Variants in SLCO1A2 observed in about 807,000 individuals in gnomAD.
The protein encoded by SLCO1A2 is solute carrier organic anion transporter family member 1A2.
SLCO1A2 carries 67 observed loss-of-function variants against 69.0 expected under a neutral mutation model. That is an observed-to-expected ratio of 0.97 (90% CI 0.80 to 1.19). The LOEUF is 1.19. Among genes scored for constraint, SLCO1A2 ranks in the 50% most tolerant of loss-of-function variants. SLCO1A2 has a pLI of 0.00. For missense variants in SLCO1A2, 787 were observed against 793.7 expected (o/e 0.99, Z 0.10); for synonymous variants, 260 against 265.9 (o/e 0.98, Z 0.22).
chr12:21,355,051 C>T (rs944167113), intron 2 of SLCO1A2: 4 of 152,098 alleles, frequency 2.6e-5, no homozygotes, highest in African/African-American at 9.7e-5. Context: ...TTCAAAAATA[C>T]ACTAAATCAC....
chr12:21,303,956 A>G (rs1949038500), intron 6 of SLCO1A2, among the ~76,000 whole-genome samples: 1 of 152,196 alleles, frequency 6.6e-6, no homozygotes. Flanking sequence ...GATTAAAACA[A>G]TGCTTGAGAA....
chr12:21,383,337 T>A (rs926434206), intron 1 of SLCO1A2, among the ~76,000 whole-genome samples: 1 of 152,200 alleles, frequency 6.6e-6, no homozygotes, highest in African/African-American at 2.4e-5. Flanking sequence ...CTTTGCCGAC[T>A]AAGTAGACCC....
At chr12:21,382,624 C>A (rs1046916111) in intron 1 of SLCO1A2, among the ~76,000 whole-genome samples, 1 of 151,650 alleles carries the variant, frequency 6.6e-6, no homozygotes, top group East Asian at 1.9e-4. Context: ...GGTGAAACCC[C>A]GTCTCTACAA....
chr12:21,310,184 T>C (rs1276225324), intron 4 of SLCO1A2, among the ~76,000 whole-genome samples: 1 of 152,218 alleles, frequency 6.6e-6, no homozygotes, highest in Non-Finnish European at 1.5e-5. Context: ...TGTATAGACA[T>C]ATCTCAGAGA....
intron 3 of SLCO1A2, among the ~76,000 whole-genome samples, chr12:21,315,401 TGAA>T (rs1234720480): frequency 6.6e-6 from 1 of 152,208 alleles, no homozygotes; most frequent in African/African-American, 2.4e-5. Flanking sequence ...GACAGATCCT[TGAA>T]GAGTGTGGAA....
At chr12:21,416,405 G>A (rs557802599) in intron 1 of SLCO1A2, among the ~76,000 whole-genome samples, 3 of 150,352 alleles carry the variant, frequency 2.0e-5, no homozygotes, top group East Asian at 3.9e-4. Context: ...TAAATCACTC[G>A]CTCTCCCAAA....
intron 13 of SLCO1A2, 183 bp from the exon 14 acceptor site, chr12:21,274,769 TAAGTA>T (rs1943496996): frequency 2.9e-6 from 2 of 683,444 alleles, no homozygotes; most frequent in Admixed American, 3.2e-5. Flanking sequence ...TATTAAAAGA[TAAGTA>T]ATCTTATGGT....
At chr12:21,377,455 T>C (rs1440182390) in intron 1 of SLCO1A2, among the ~76,000 whole-genome samples, 2 of 152,182 alleles carry the variant, frequency 1.3e-5, no homozygotes, top group African/African-American at 4.8e-5. Context: ...TTTTTAAGCA[T>C]GCAATACATT....
intron 14 of SLCO1A2, 145 bp downstream of exon 14, chr12:21,274,324 A>G (rs1232582778): frequency 7.6e-6 from 4 of 524,908 alleles, no homozygotes; most frequent in Non-Finnish European, 1.4e-5. Flanking sequence ...CAAATAAGGA[A>G]TGGAGATATA....
chr12:21,316,405 G>A (rs985957735), intron 3 of SLCO1A2, among the ~76,000 whole-genome samples: 17 of 151,712 alleles, frequency 1.1e-4, no homozygotes, highest in Non-Finnish European at 1.9e-4. Flanking sequence ...ATCCCCTATC[G>A]TCGCTCCTAC....
At chr12:21,395,438 A>G (rs12816792), upstream of SLCO1A2, 89,640 of 153,966 alleles carry the variant, frequency 0.58, 26,357 homozygotes, top group Middle Eastern at 0.71. Flanking sequence ...CAGCAGCGAG[A>G]CTGGGGGAGG....
intron 8 of SLCO1A2, among the ~76,000 whole-genome samples, chr12:21,299,805 T>A (rs1948377471): frequency 8.2e-6 from 1 of 121,854 alleles, no homozygotes; most frequent in East Asian, 4.6e-4. Flanking sequence ...CACACGTATA[T>A]ATATACACAC....
chr12:21,362,754 C>A (rs906234055), intron 2 of SLCO1A2, among the ~76,000 whole-genome samples: 1 of 152,142 alleles, frequency 6.6e-6, no homozygotes, highest in Non-Finnish European at 1.5e-5. Context: ...CAATCCTAGT[C>A]TCTGATAAAA....
At chr12:21,373,907 T>G (rs1032996172) in intron 2 of SLCO1A2, among the ~76,000 whole-genome samples, 5 of 152,176 alleles carry the variant, frequency 3.3e-5, no homozygotes, top group Non-Finnish European at 5.9e-5. Flanking sequence ...TGGAAATGTA[T>G]AGAAATAATC....
At chr12:21,338,369 C>T (rs1952957382), upstream of SLCO1A2, among the ~76,000 whole-genome samples, 1 of 151,784 alleles carries the variant, frequency 6.6e-6, no homozygotes, top group Non-Finnish European at 1.5e-5. Flanking sequence ...TTCTACATCC[C>T]CCGGAACCCC....
chr12:21,397,607 G>A (rs2137179317), upstream of SLCO1A2, among the ~76,000 whole-genome samples: 1 of 152,036 alleles, frequency 6.6e-6, no homozygotes, highest in African/African-American at 2.4e-5. Context: ...TTCCTAAATT[G>A]ACCACATACT....
rs1003302785 is a variant in SLCO1A2, at chr12:21,393,294, T to C, written c.-190+1612A>G. On this transcript the variant is annotated intron_variant, in intron 1 of 15. Transcript: ENST00000307378. ...GGTTCACACTGCACAGTGATTTTCA[T>C]TGCATCCCCAAAAGCAATCTAGGTA... Among the ~76,000 whole-genome samples the C allele has an allele frequency of 7.9e-5, 12 of 152,274 alleles. No homozygotes were observed. The East Asian group carries it at 1.9e-3, about 24-fold the overall frequency.
At chr12:21,370,186 T>C (rs949547244) in intron 2 of SLCO1A2, among the ~76,000 whole-genome samples, 3 of 152,180 alleles carry the variant, frequency 2.0e-5, no homozygotes, top group Non-Finnish European at 4.4e-5. Flanking sequence ...TCACTTATAT[T>C]CTTTGAATCT....
At chr12:21,347,700 GAA>G (rs1267753889) in intron 2 of SLCO1A2, among the ~76,000 whole-genome samples, 2 of 30,706 alleles carry the variant, frequency 6.5e-5, no homozygotes, top group South Asian at 9.0e-4. Flanking sequence ...AAGGAAGGAA[GAA>G]GGAAAAAAGG....
Sources: gnomAD v4.1 joint callset for allele counts (sites outside exome capture counted in the v4.1 genomes callset) on GRCh38, gnomAD v4.1.1 for gene constraint, MANE v1.5 for transcripts, NCBI Gene and HGNC (gene_info 2026-07-23, HGNC 2026-07-21) for gene names.